The following RALGAPA2 variants were observed in gnomAD, a reference collection of about 807,000 sequenced individuals.
The protein encoded by RALGAPA2 is Ral GTPase activating protein catalytic subunit alpha 2.
RALGAPA2 carries 139 observed loss-of-function variants against 230.4 expected under a neutral mutation model. The observed-to-expected ratio is 0.60, with a 90% CI of 0.53 to 0.69. The LOEUF is 0.69. RALGAPA2 is among the 30% of genes least tolerant of loss of function. The probability of loss-of-function intolerance (pLI) is 0.00; values close to 1 mark genes in which losing one functional copy is unlikely to be tolerated. For missense variants in RALGAPA2, 2,163 were observed against 2,276.0 expected (o/e 0.95, Z 1.01); for synonymous variants, 847 against 837.8 (o/e 1.01, Z -0.19).
chr20:20,531,612 G>T, intron 27 of RALGAPA2, 75 bp downstream of exon 27: 2 of 1,198,822 alleles, frequency 1.7e-6, no homozygotes, highest in Non-Finnish European at 2.4e-6. Flanking sequence ...AAAAAGATGG[G>T]GCTAATTCAA....
At chr20:20,463,416 ACTC>A (rs2061346968) in intron 37 of RALGAPA2, among the ~76,000 whole-genome samples, 1 of 151,938 alleles carries the variant, frequency 6.6e-6, no homozygotes, top group Non-Finnish European at 1.5e-5. Context: ...AATATTAAGA[ACTC>A]CTCTGAAAAC....
At chr20:20,637,182 C>T (rs562269774) in intron 8 of RALGAPA2, among the ~76,000 whole-genome samples, 181 bp downstream of exon 8, 1 of 152,254 alleles carries the variant, frequency 6.6e-6, no homozygotes, top group South Asian at 2.1e-4. Flanking sequence ...TGAGGTATAT[C>T]TTAGTTGGTA....
chr20:20,612,640 T>C (rs563323264), intron 13 of RALGAPA2, among the ~76,000 whole-genome samples: 8 of 152,272 alleles, frequency 5.3e-5, no homozygotes, highest in Admixed American at 4.6e-4. Flanking sequence ...ATGCTACTTG[T>C]CCATGTATTC....
intron 1 of RALGAPA2, among the ~76,000 whole-genome samples, chr20:20,704,508 T>C (rs777194817): frequency 1.3e-4 from 20 of 152,276 alleles, no homozygotes; most frequent in Non-Finnish European, 2.1e-4. Flanking sequence ...GGCAAAGACA[T>C]GGCCAAACTC....
chr20:20,402,223 G>C lies in RALGAPA2; in HGVS notation c.5618-5489C>G, dbSNP rs143727873. Among the ~76,000 whole-genome samples the C allele has an allele frequency of 1.1e-3, 172 of 152,334 alleles. 1 individual carries two copies. Among genetic ancestry groups the C allele is most frequent in the African/African-American group, 4.0e-3 (166 of 41,570 alleles). ...GTCAGAGAAATCTTGCCCCATGGGA[G>C]GGGGGACTCTGGGGAAAGTGTGCAG... On this transcript the variant is annotated intron_variant, in intron 38 of 39. Coordinates refer to ENST00000202677, the MANE Select transcript of RALGAPA2 (RefSeq NM_020343.4).
At chr20:20,569,874 T>C (rs536497200) in intron 23 of RALGAPA2, among the ~76,000 whole-genome samples, 2 of 152,272 alleles carry the variant, frequency 1.3e-5, no homozygotes, top group South Asian at 4.1e-4. Context: ...GTAAATTTTT[T>C]TTCCTGCAAA....
At chr20:20,657,742 G>A (rs2067639465) in intron 3 of RALGAPA2, among the ~76,000 whole-genome samples, 1 of 152,114 alleles carries the variant, frequency 6.6e-6, no homozygotes, top group South Asian at 2.1e-4. Flanking sequence ...GGACCTGGCA[G>A]CCCAGCTACA....
chr20:20,438,066 C>A (rs1305692368), intron 37 of RALGAPA2, among the ~76,000 whole-genome samples: 1 of 152,172 alleles, frequency 6.6e-6, no homozygotes, highest in East Asian at 1.9e-4. Context: ...TTCCAGGGGT[C>A]CCTGAACTTG....
chr20:20,493,703 T>C (rs1398480778), intron 36 of RALGAPA2, among the ~76,000 whole-genome samples: 3 of 152,220 alleles, frequency 2.0e-5, no homozygotes, highest in Non-Finnish European at 4.4e-5. Flanking sequence ...TATAAGACAC[T>C]AAATTCACTG....
Position 20,389,869 on chromosome 20 carries a change from G to A in RALGAPA2, c.*3420C>T, listed in dbSNP as rs1602227791. On this transcript the variant is annotated 3_prime_UTR_variant, in exon 40 of 40. Coordinates refer to ENST00000202677, the MANE Select transcript of RALGAPA2 (RefSeq NM_020343.4). The stretch of plus-strand genomic sequence containing the variant: ...AGAGACAGCAAAATAAGAATCAAAT[G>A]ACACGCTATAACTTAATTTACCATA... 1 of 151,822 alleles carries A rather than the reference G, an allele frequency of 6.6e-6. No homozygotes were observed. The highest frequency in any genetic ancestry group is 1.5e-5 in the Non-Finnish European group (1 of 67,960). The allele number at this position is 151,822 out of a possible 1,614,324, so 9.4% of individuals were successfully genotyped here.
chr20:20,686,845 C>CA (rs2068719676), intron 1 of RALGAPA2, among the ~76,000 whole-genome samples: 1 of 152,206 alleles, frequency 6.6e-6, no homozygotes, highest in Admixed American at 6.5e-5. Flanking sequence ...CCTGCTTCAG[C>CA]AGACCCCTAG....
At chr20:20,668,898 C>T (rs540402230) in intron 3 of RALGAPA2, among the ~76,000 whole-genome samples, 3 of 152,298 alleles carry the variant, frequency 2.0e-5, no homozygotes, top group South Asian at 4.1e-4. Flanking sequence ...AGAAGAGCTA[C>T]ACTGAGAGCC....
chr20:20,413,619 T>G (rs902328958), intron 37 of RALGAPA2, among the ~76,000 whole-genome samples: 5 of 152,232 alleles, frequency 3.3e-5, no homozygotes, highest in Admixed American at 2.6e-4. Context: ...CTAGGGGTTC[T>G]ATACTGGATC....
chr20:20,479,863 A>C (rs1427062104), intron 36 of RALGAPA2, among the ~76,000 whole-genome samples: 1 of 152,250 alleles, frequency 6.6e-6, no homozygotes, highest in Non-Finnish European at 1.5e-5. Context: ...GTACTCACAG[A>C]ATCTCCAACA....
Position 20,455,448 on chromosome 20 carries a change from C to T in RALGAPA2, c.5495+17381G>A, listed in dbSNP as rs566321844. Among the ~76,000 whole-genome samples the T allele has an allele frequency of 7.9e-5, 12 of 152,330 alleles. No individual in the cohort carries two copies. In the South Asian group the frequency reaches 2.1e-3, roughly 26 times the overall value. On this transcript the variant is annotated intron_variant, in intron 37 of 39. Transcript: ENST00000202677. ...GGCTGGAATGTCATCACCACCTCCT[C>T]GCCTGTCAGCTGGTCACGAGATCCA...
chr20:20,592,650 A>G (rs911509759), intron 16 of RALGAPA2, among the ~76,000 whole-genome samples: 1 of 152,198 alleles, frequency 6.6e-6, no homozygotes, highest in African/African-American at 2.4e-5. Context: ...CTCAGCCTGT[A>G]TTATCTTAAC....
intron 38 of RALGAPA2, among the ~76,000 whole-genome samples, chr20:20,401,238 G>T (rs1223519830): frequency 6.6e-6 from 1 of 152,172 alleles, no homozygotes; most frequent in Non-Finnish European, 1.5e-5. Context: ...GGTGGTCTGG[G>T]TGGCACTACT....
At chr20:20,658,421 C>T (rs2067660185) in intron 3 of RALGAPA2, among the ~76,000 whole-genome samples, 1 of 152,200 alleles carries the variant, frequency 6.6e-6, no homozygotes, top group South Asian at 2.1e-4. Flanking sequence ...TCTGGCATTT[C>T]TTCTACTGCA....
intron 37 of RALGAPA2, among the ~76,000 whole-genome samples, chr20:20,462,290 T>C (rs2061320109): frequency 6.6e-6 from 1 of 152,196 alleles, no homozygotes; most frequent in South Asian, 2.1e-4. Context: ...GGGGACATGC[T>C]ATCCTACTAG....
Sources: gnomAD v4.1 joint callset for allele counts (sites outside exome capture counted in the v4.1 genomes callset) on GRCh38, gnomAD v4.1.1 for gene constraint, MANE v1.5 for transcripts, NCBI Gene and HGNC (gene_info 2026-07-23, HGNC 2026-07-21) for gene names.